Variants in LMBR1 observed in about 807,000 individuals in gnomAD.
The protein encoded by LMBR1 is limb development membrane protein 1, also known as limb region 1 protein homolog.
In LMBR1, 52 loss-of-function variants were observed where a neutral mutation model predicts 73.9. The observed-to-expected ratio is 0.70, with a 90% CI of 0.56 to 0.89. The LOEUF (loss-of-function observed/expected upper bound fraction) is 0.89. Among genes scored for constraint, LMBR1 ranks in the 40% least tolerant of loss-of-function variants. The pLI is 0.00. For missense variants in LMBR1, 539 were observed against 579.8 expected (o/e 0.93, Z 0.72); for synonymous variants, 215 against 209.4 (o/e 1.03, Z -0.23).
rs1807682980 is a variant in LMBR1 at position 156,693,603 on chromosome 7, A to G, written c.1226-5412T>C. 2.0e-5 allele frequency among the ~76,000 whole-genome samples: 3 copies of G among 152,198 alleles called. No homozygotes were observed. The South Asian group carries it at 6.2e-4, about 31-fold the overall frequency. ...CCCAGACTAACTTTAGAAGAAATAG[A>G]AAACCTGAGCAAACTAATAAACAAG... On this transcript the variant is annotated intron_variant, in intron 15 of 16. Transcript: ENST00000353442.
chr7:156,866,283 A>G (rs1798448168), intron 1 of LMBR1, among the ~76,000 whole-genome samples: 1 of 152,136 alleles, frequency 6.6e-6, no homozygotes, highest in African/African-American at 2.4e-5. Flanking sequence ...AATCCAGGAT[A>G]TGTTTGCTAT....
chr7:156,671,558 A>AT (rs1319997975), intron 4 of LMBR1, among the ~76,000 whole-genome samples: 4 of 152,000 alleles, frequency 2.6e-5, no homozygotes, highest in African/African-American at 7.2e-5. Context: ...TGCAGATGTC[A>AT]TCATAGGTCG....
chr7:156,713,802 A>G, intron 15 of LMBR1, among the ~76,000 whole-genome samples: 1 of 152,326 alleles, frequency 6.6e-6, no homozygotes, highest in East Asian at 1.9e-4. Flanking sequence ...AAATGCATTT[A>G]TTAGACTTCA....
intron 1 of LMBR1, among the ~76,000 whole-genome samples, chr7:156,874,207 G>A (rs552449213): frequency 5.3e-5 from 8 of 152,376 alleles, no homozygotes; most frequent in South Asian, 2.1e-4. Flanking sequence ...GGCCGGCACC[G>A]CTGGAGACCC....
At chr7:156,799,072 C>T (rs187200579) in intron 4 of LMBR1, among the ~76,000 whole-genome samples, 8 of 151,252 alleles carry the variant, frequency 5.3e-5, no homozygotes, top group Admixed American at 3.3e-4. Context: ...CATGGTGGTG[C>T]GCACCTGTAG....
In LMBR1 at chr7:156,885,329, G is replaced by A. The variant is rs151154732; in HGVS notation, c.66+7599C>T. ...GATCGCTCCACTGCATTCCAGCCTC[G>A]GTGACAGAGCGAGACTCCGTGTAAA... is the stretch of plus-strand genomic sequence containing the variant. On this transcript the variant is annotated intron_variant, in intron 1 of 16. Coordinates refer to ENST00000353442, the MANE Select transcript of LMBR1 (RefSeq NM_022458.4). 4.7e-3 allele frequency among the ~76,000 whole-genome samples: 718 copies of A among 151,600 alleles called. 24 individuals carry two copies. In the South Asian group the frequency reaches 0.075, roughly 16 times the overall value.
chr7:156,705,836 C>T (rs530208528), intron 15 of LMBR1, among the ~76,000 whole-genome samples: 1 of 152,086 alleles, frequency 6.6e-6, no homozygotes, highest in South Asian at 2.1e-4. Flanking sequence ...CAGAATTCCA[C>T]CAAACCACAA....
chr7:156,730,873 T>C (rs945865645), intron 10 of LMBR1, among the ~76,000 whole-genome samples: 10 of 151,798 alleles, frequency 6.6e-5, no homozygotes, highest in Non-Finnish European at 1.2e-4. Context: ...GAGGTGGAGG[T>C]TGCAGTGGAC....
intron 9 of LMBR1, among the ~76,000 whole-genome samples, chr7:156,744,607 T>C (rs1819520170): frequency 6.6e-6 from 1 of 152,218 alleles, no homozygotes; most frequent in African/African-American, 2.4e-5. Context: ...AATACTTTCC[T>C]TCTTTTTGTA....
intron 4 of LMBR1, among the ~76,000 whole-genome samples, chr7:156,814,705 C>A (rs531164023): frequency 6.6e-6 from 1 of 152,194 alleles, no homozygotes; most frequent in South Asian, 2.1e-4. Flanking sequence ...ATCACAAATA[C>A]GTGACCTTGA....
intron 5 of LMBR1, among the ~76,000 whole-genome samples, chr7:156,780,319 T>C (rs1826899693): frequency 6.6e-6 from 1 of 152,206 alleles, no homozygotes; most frequent in South Asian, 2.1e-4. Flanking sequence ...AACACCAACA[T>C]TGCCAGTTCA....
chr7:156,675,636 C>G, downstream of LMBR1: 1 of 1,489,332 alleles, frequency 6.7e-7, no homozygotes, highest in African/African-American at 1.4e-5. Flanking sequence ...CTCGAGAGCG[C>G]TTCCCTGCAA....
intron 1 of LMBR1, among the ~76,000 whole-genome samples, chr7:156,873,619 C>T (rs1302258183): frequency 6.6e-6 from 1 of 152,018 alleles, no homozygotes; most frequent in Non-Finnish European, 1.5e-5. Context: ...AGGTTCTCCA[C>T]GTCCCCATCA....
intron 1 of LMBR1, among the ~76,000 whole-genome samples, chr7:156,887,299 C>T (rs1802073781): frequency 6.6e-6 from 1 of 151,952 alleles, no homozygotes; most frequent in African/African-American, 2.4e-5. Flanking sequence ...CCCGTCTCTA[C>T]TAAAAGTACA....
intron 1 of LMBR1, among the ~76,000 whole-genome samples, chr7:156,845,897 G>A (rs1209297019): frequency 1.3e-5 from 2 of 151,700 alleles, no homozygotes; most frequent in Admixed American, 6.6e-5. Flanking sequence ...GAAGAATGGT[G>A]TAAACCACAA....
At chr7:156,675,684 C>T (rs2886381), downstream of LMBR1, 4,108 of 1,599,852 alleles carry the variant, frequency 2.6e-3, 87 homozygotes, top group African/African-American at 0.045. Context: ...CCCGCCCCCG[C>T]CTCCTCCTCA....
chr7:156,796,321 C>G (rs182177626), intron 5 of LMBR1, 68 bp downstream of exon 5: 1 of 1,001,708 alleles, frequency 1.0e-6, no homozygotes, highest in African/African-American at 1.7e-5. Context: ...TCTGCTTTTT[C>G]TAGTTCAATG....
Position 156,796,444 on chromosome 7 carries a change from A to T in LMBR1, c.368T>A (p.Leu123Ter). 6.2e-7 allele frequency: 1 copy of T among 1,610,476 alleles called. No homozygotes were observed. The highest frequency in any genetic ancestry group is 2.2e-5 in the East Asian group (1 of 44,688). ...SLFSNLCLFV[L>*]MPFAFFFLES... is the part of the protein sequence containing the mutation. ...CAGAAAGAAAAAGGCAAAGGGCATC[A>T]ATACAAATAAACAAAGGTTGGAAAA... Residue 123 changes from leucine (L) to a stop codon, truncating the protein, a stop_gained, in exon 5 of 17, where the codon TTG (leucine) becomes TAG (stop). Transcript: ENST00000353442. LOFTEE classifies it high-confidence loss of function.
intron 4 of LMBR1, chr7:156,822,312 T>C (rs1834912928): frequency 6.6e-6 from 1 of 152,208 alleles, no homozygotes; most frequent in South Asian, 2.1e-4. Flanking sequence ...CATATAATAA[T>C]TCTATAAACT....
Sources: gnomAD v4.1 joint callset for allele counts (sites outside exome capture counted in the v4.1 genomes callset) on GRCh38, gnomAD v4.1.1 for gene constraint, MANE v1.5 for transcripts, NCBI Gene and HGNC (gene_info 2026-07-23, HGNC 2026-07-21) for gene names.